Variants in PRELID2 observed in about 807,000 individuals in gnomAD.
PRELID2 encodes PRELI domain containing 2.
A neutral mutation model predicts 28.4 loss-of-function variants in PRELID2; 25 were observed. The observed-to-expected ratio is 0.88, with a 90% CI of 0.64 to 1.23. PRELID2 has a LOEUF of 1.23. Ranked by LOEUF, PRELID2 falls within the 50% of genes most tolerant of loss-of-function variation. The pLI is 0.00. For synonymous variants in PRELID2, 76 were observed against 71.6 expected (o/e 1.06, Z -0.31); for missense variants, 201 against 214.4 (o/e 0.94, Z 0.39).
chr5:145,826,853 G>A (rs993846571), intron 1 of PRELID2, among the ~76,000 whole-genome samples: 2 of 146,872 alleles, frequency 1.4e-5, no homozygotes, highest in African/African-American at 2.5e-5. Context: ...CATATTTGCC[G>A]AGGGAAAAAA....
chr5:145,826,944 CT>C (rs1268906684), intron 1 of PRELID2, among the ~76,000 whole-genome samples: 2 of 152,210 alleles, frequency 1.3e-5, no homozygotes, highest in East Asian at 1.9e-4. Flanking sequence ...AAGCCAATGC[CT>C]TTTTTTAATA....
At chr5:145,832,457 T>C (rs1204508181) in intron 1 of PRELID2, among the ~76,000 whole-genome samples, 1 of 152,178 alleles carries the variant, frequency 6.6e-6, no homozygotes, top group Non-Finnish European at 1.5e-5. Flanking sequence ...AGTGCTGGGA[T>C]TACAGGAGTG....
the PRELID2 span, among the ~76,000 whole-genome samples, chr5:145,363,208 G>C: frequency 6.6e-6 from 1 of 151,214 alleles, no homozygotes; most frequent in Admixed American, 6.6e-5. Flanking sequence ...GTTACCTAGC[G>C]AACATTGATA....
chr5:145,409,584 G>A, the PRELID2 span, among the ~76,000 whole-genome samples: 1 of 151,932 alleles, frequency 6.6e-6, no homozygotes, highest in Admixed American at 6.6e-5. Flanking sequence ...TCTTATATCA[G>A]ACTAAAGAGA....
chr5:145,748,822 A>G (rs1046300932), intron 1 of PRELID2, among the ~76,000 whole-genome samples: 2 of 152,174 alleles, frequency 1.3e-5, no homozygotes, highest in Non-Finnish European at 2.9e-5. Context: ...ATAACACCAC[A>G]TATCTACAAC....
At chr5:145,778,930 T>C (rs900880095) in intron 5 of PRELID2, among the ~76,000 whole-genome samples, 1 of 152,118 alleles carries the variant, frequency 6.6e-6, no homozygotes, top group Non-Finnish European at 1.5e-5. Flanking sequence ...TAGTGAATTG[T>C]ATGGTGGATG....
rs541355901 is a variant in PRELID2 at position 145,821,335 on chromosome 5, ATGTG to A, written c.134-1321_134-1318del. ...TATGTGTGTAAGCCCTCTTCTGTGT[ATGTG>A]TGTGTAAGCCCTCGTGTTTGTGTGT... On this transcript the variant is annotated intron_variant, in intron 2 of 6. Transcript: ENST00000683046. Among the ~76,000 whole-genome samples the A allele has an allele frequency of 1.6e-3, 216 of 137,870 alleles. 1 individual carries two copies. The highest frequency in any genetic ancestry group is 5.8e-3 in the African/African-American group (213 of 37,022). 90.4% of individuals were successfully genotyped at this position (137,870 alleles called of 152,430 possible). A position where few individuals can be genotyped will look rare whatever the true frequency, so the allele number is the denominator to read the frequency against.
intron 1 of PRELID2, among the ~76,000 whole-genome samples, chr5:145,558,361 A>T (rs72811535): frequency 0.032 from 4,930 of 152,322 alleles, 123 homozygotes; most frequent in East Asian, 0.071. Flanking sequence ...CAAATGGTTC[A>T]TTACCAGTGA....
At chr5:145,690,655 C>G (rs1355548711) in intron 1 of PRELID2, among the ~76,000 whole-genome samples, 1 of 152,140 alleles carries the variant, frequency 6.6e-6, no homozygotes, top group African/African-American at 2.4e-5. Flanking sequence ...TACTGTCAGG[C>G]CTTTTCAGTA....
chr5:145,540,807 A>G (rs1752739364), intron 1 of PRELID2, among the ~76,000 whole-genome samples: 1 of 151,932 alleles, frequency 6.6e-6, no homozygotes, highest in Admixed American at 6.6e-5. Context: ...ACCAGAATAA[A>G]TCAACTATAA....
chr5:145,724,755 T>A (rs1756096161), intron 1 of PRELID2, among the ~76,000 whole-genome samples: 1 of 144,804 alleles, frequency 6.9e-6, no homozygotes, highest in African/African-American at 2.5e-5. Flanking sequence ...ATATATTATA[T>A]ATATATGTAA....
At chr5:145,369,199 G>A in the PRELID2 span, among the ~76,000 whole-genome samples, 1 of 151,804 alleles carries the variant, frequency 6.6e-6, no homozygotes, top group Non-Finnish European at 1.5e-5. Flanking sequence ...GAACATACAG[G>A]TTTGTTACAT....
chr5:145,488,675 G>T (rs1366677946), intron 1 of PRELID2, among the ~76,000 whole-genome samples: 1 of 152,150 alleles, frequency 6.6e-6, no homozygotes, highest in Non-Finnish European at 1.5e-5. Flanking sequence ...TATGCACATT[G>T]TGTAATCTGC....
the PRELID2 span, among the ~76,000 whole-genome samples, chr5:145,367,209 A>G: frequency 1.2e-4 from 18 of 151,878 alleles, no homozygotes; most frequent in South Asian, 2.1e-4. Flanking sequence ...TGACCACTCT[A>G]TATAAAGTTT....
At chr5:145,376,606 C>A in the PRELID2 span, among the ~76,000 whole-genome samples, 41 of 152,232 alleles carry the variant, frequency 2.7e-4, 1 homozygote, top group East Asian at 4.6e-3. Flanking sequence ...TCAGTTCTTC[C>A]TGGTTCAGTC....
chr5:145,259,933 G>T, the PRELID2 span, among the ~76,000 whole-genome samples: 1 of 152,162 alleles, frequency 6.6e-6, no homozygotes, highest in Non-Finnish European at 1.5e-5. Context: ...TGGATGTGAG[G>T]TCTGGTGGGA....
At chr5:145,246,629 G>A in the PRELID2 span, among the ~76,000 whole-genome samples, 1 of 152,052 alleles carries the variant, frequency 6.6e-6, no homozygotes, top group Non-Finnish European at 1.5e-5. Context: ...GTTTATTAAG[G>A]AGCAGGTATG....
the PRELID2 span, among the ~76,000 whole-genome samples, chr5:145,319,237 C>A: frequency 6.6e-6 from 1 of 152,116 alleles, no homozygotes; most frequent in African/African-American, 2.4e-5. Flanking sequence ...ACTTTTCTAC[C>A]CAATATCTCC....
intron 1 of PRELID2, among the ~76,000 whole-genome samples, chr5:145,832,797 C>G (rs1755689058): frequency 6.6e-6 from 1 of 151,974 alleles, no homozygotes; most frequent in South Asian, 2.1e-4. Flanking sequence ...ACACACCACA[C>G]CACACACCAC....
Sources: allele counts gnomAD v4.1 joint callset (sites outside exome capture counted in the v4.1 genomes callset), GRCh38; gene constraint gnomAD v4.1.1; transcripts MANE v1.5; gene names NCBI Gene and HGNC (gene_info 2026-07-23, HGNC 2026-07-21).